IKBKE: variants seen among roughly 807,000 people sequenced by gnomAD.
IKBKE encodes inhibitor of nuclear factor kappa-B kinase subunit epsilon.
Under a neutral mutation model 92.1 loss-of-function variants are expected in IKBKE, and 45 were observed. The observed-to-expected ratio is 0.49, with a 90% CI of 0.38 to 0.63. The LOEUF is 0.63. IKBKE is among the 20% of genes least tolerant of loss of function. The pLI, the probability that IKBKE is intolerant of heterozygous loss-of-function variation, is 0.00. For missense variants in IKBKE, 700 were observed against 932.8 expected (o/e 0.75, Z 3.25); for synonymous variants, 374 against 380.3 (o/e 0.98, Z 0.19).
chr1:206,477,893 G>A (rs1371146149), intron 8 of IKBKE, 34 bp downstream of exon 8: 1 of 1,384,580 alleles, frequency 7.2e-7, no homozygotes, highest in Admixed American at 2.0e-5. Context: ...TGATGCTGGA[G>A]TCTGAGCTGG....
rs1178883063 is a variant in IKBKE, at chr1:206,478,424, C to T, written c.992+85C>T. 7.4e-6 allele frequency: 10 copies of T among 1,350,042 alleles called. No individual in the cohort carries two copies. Among genetic ancestry groups the T allele is most frequent in the African/African-American group, 2.9e-5 (2 of 70,142 alleles). The allele number at this position is 1,350,042 out of a possible 1,614,324, so 83.6% of individuals were successfully genotyped here. On this transcript the variant is annotated intron_variant, in intron 9 of 21. Transcript: ENST00000581977. The surrounding 1 kb of genome is among the most constrained non-coding windows in gnomAD (Gnocchi z 4.8). ...GTCCAAAGCAGCATCTCCCACAGTACGTTCTGAGGAGTGTGTACATAGGAA... is the reference window on the plus strand; with the variant it reads ...GTCCAAAGCAGCATCTCCCACAGTATGTTCTGAGGAGTGTGTACATAGGAA...
At chr1:206,480,163 G>A (rs1396298555) in intron 12 of IKBKE, 50 bp downstream of exon 12, 1 of 1,144,110 alleles carries the variant, frequency 8.7e-7, no homozygotes, top group Non-Finnish European at 1.2e-6. Flanking sequence ...GCAGGAGAGG[G>A]AGGCGGACAG....
intron 5 of IKBKE, 86 bp downstream of exon 5, chr1:206,475,080 T>C (rs1047252969): frequency 2.9e-6 from 4 of 1,372,722 alleles, no homozygotes; most frequent in Non-Finnish European, 4.0e-6. Flanking sequence ...GTCTGACTCC[T>C]GCTAATCATT....
In IKBKE at chr1:206,476,081, G is replaced by A; in HGVS notation, c.359-100G>A. The A allele has an allele frequency of 1.7e-6, 2 of 1,150,750 alleles. No individual in the cohort carries two copies. Among genetic ancestry groups the A allele is most frequent in the Non-Finnish European group, 2.5e-6 (2 of 787,910 alleles). The allele number at this position is 1,150,750 out of a possible 1,614,324, so 71.3% of individuals were successfully genotyped here. A position where few individuals can be genotyped will look rare whatever the true frequency, so the allele number is the denominator to read the frequency against. On this transcript the variant is annotated intron_variant, in intron 5 of 21. Coordinates refer to ENST00000581977, the MANE Select transcript of IKBKE (RefSeq NM_014002.4). This position sits in a 1 kb window ranked among gnomAD's most constrained non-coding sequence, Gnocchi z 5.1. ...GCTCTGTCAGCCCATGGGAACTCCT[G>A]TCTCTCTGGATGCAAGGACAGCCTT...
Position 206,490,967 on chromosome 1 carries a change from G to A in IKBKE, c.1733+109G>A, listed in dbSNP as rs1045364482. The A allele has an allele frequency of 6.1e-5, 62 of 1,015,210 alleles. No individual in the cohort carries two copies. The highest frequency in any genetic ancestry group is 8.2e-5 in the Non-Finnish European group (53 of 646,492). The allele number at this position is 1,015,210 out of a possible 1,614,324, so 62.9% of individuals were successfully genotyped here. A position where few individuals can be genotyped will look rare whatever the true frequency, so the allele number is the denominator to read the frequency against. Reference sequence around the variant, plus strand: ...GCAGTGAAGGGCCCTGTCCCGGACTGCAGCTGAGCAGAGTTGGGGATAACA... The same window carrying A: ...GCAGTGAAGGGCCCTGTCCCGGACTACAGCTGAGCAGAGTTGGGGATAACA... On this transcript the variant is annotated intron_variant, in intron 17 of 21. Transcript: ENST00000581977. This position sits in a 1 kb window ranked among gnomAD's most constrained non-coding sequence, Gnocchi z 5.2.
rs782298264 is a variant in IKBKE at position 206,483,518 on chromosome 1, C to T, written c.1428-1479C>T. On this transcript the variant is annotated intron_variant, in intron 13 of 21. Transcript: ENST00000581977. ...GACGGCACCCCTGTCTTCAAGGAGC[C>T]TGCAGTTCATTCCTGATTCTCTCTT... Among the ~76,000 whole-genome samples the T allele has an allele frequency of 1.1e-4, 17 of 152,344 alleles. No homozygotes were observed. In the Middle Eastern group the frequency reaches 0.01, roughly 91 times the overall value.
In IKBKE at chr1:206,478,436, T is replaced by C. The variant is rs1665190852; in HGVS notation, c.992+97T>C. The C allele has an allele frequency of 3.2e-6, 4 of 1,255,206 alleles. No homozygotes were observed. Among genetic ancestry groups the C allele is most frequent in the Middle Eastern group, 1.9e-4 (1 of 5,236 alleles). The allele number at this position is 1,255,206 out of a possible 1,614,324, so 77.8% of individuals were successfully genotyped here. On this transcript the variant is annotated intron_variant, in intron 9 of 21. Coordinates refer to ENST00000581977, the MANE Select transcript of IKBKE (RefSeq NM_014002.4). This position sits in a 1 kb window ranked among gnomAD's most constrained non-coding sequence, Gnocchi z 4.8. The stretch of plus-strand genomic sequence containing the variant: ...ATCTCCCACAGTACGTTCTGAGGAG[T>C]GTGTACATAGGAACGCTTCCAGGTC...
chr1:206,493,330 C>G lies in IKBKE; in HGVS notation c.1997C>G (p.Pro666Arg), dbSNP rs1553391194. Reference protein sequence around the residue: ...DRAKGAQASPPPIAPYPSPTR... With the variant: ...DRAKGAQASPRPIAPYPSPTR... ...GCAAAGGGGGCTCAGGCCTCGCCGCCTCCCATAGCTCCTTACCCCAGCCCT... is the reference window on the plus strand; with the variant it reads ...GCAAAGGGGGCTCAGGCCTCGCCGCGTCCCATAGCTCCTTACCCCAGCCCT... Residue 666 changes from proline (P) to arginine (R), a missense_variant, in exon 20 of 22, where the codon CCT becomes CGT. Coordinates refer to ENST00000581977, the MANE Select transcript of IKBKE (RefSeq NM_014002.4). The G allele has an allele frequency of 6.2e-7, 1 of 1,613,882 alleles. No individual in the cohort carries two copies. The highest frequency in any genetic ancestry group is 8.5e-7 in the Non-Finnish European group (1 of 1,180,000).
chr1:206,485,947 A>T lies in IKBKE; in HGVS notation c.1616+641A>T, dbSNP rs1432699447. Among the ~76,000 whole-genome samples the T allele has an allele frequency of 6.6e-6, 1 of 152,198 alleles. No homozygotes were observed. Among genetic ancestry groups the T allele is most frequent in the Non-Finnish European group, 1.5e-5 (1 of 68,032 alleles). On this transcript the variant is annotated intron_variant, in intron 15 of 21. Transcript: ENST00000581977. The surrounding 1 kb of genome is among the most constrained non-coding windows in gnomAD (Gnocchi z 5.0). ...CGCTTCTGACCAGGGGATGGGTGGTACCCAGCGCGGACCTCCTCCCCATTC... is the reference window on the plus strand; with the variant it reads ...CGCTTCTGACCAGGGGATGGGTGGTTCCCAGCGCGGACCTCCTCCCCATTC...
chr1:206,493,811 A>T lies in IKBKE; in HGVS notation c.2046-109A>T, dbSNP rs375146582. ...CTCAAATAAGCAAACAAAAAAGAAT[A>T]AAGAGGCTTCTTTGGTGGGGCTGCA... On this transcript the variant is annotated intron_variant, in intron 20 of 21. Transcript: ENST00000581977. The T allele has an allele frequency of 8.7e-5, 67 of 772,270 alleles. 2 individuals carry two copies. Among genetic ancestry groups the T allele is most frequent in the Admixed American group, 6.0e-4 (23 of 38,286 alleles). The allele number at this position is 772,270 out of a possible 1,614,324, so 47.8% of individuals were successfully genotyped here.
At chr1:206,480,651 C>A in intron 13 of IKBKE, 118 bp downstream of exon 13, 2 of 774,408 alleles carry the variant, frequency 2.6e-6, no homozygotes, top group Non-Finnish European at 4.4e-6. Context: ...GCCTTCCCTG[C>A]CCTCCTAGAA....
chr1:206,494,188 T>C (rs1666100607), intron 21 of IKBKE, among the ~76,000 whole-genome samples, 197 bp downstream of exon 21: 1 of 152,194 alleles, frequency 6.6e-6, no homozygotes, highest in Non-Finnish European at 1.5e-5. Context: ...TTACAGCCTT[T>C]AAAATGTGAG....
At chr1:206,472,987 C>G in intron 2 of IKBKE, 1 of 513,390 alleles carries the variant, frequency 1.9e-6, no homozygotes, top group Non-Finnish European at 3.4e-6. Context: ...GCTGAGGGCT[C>G]AGTGGGGGCC....
At chr1:206,491,777 C>A in intron 18 of IKBKE, 28 bp downstream of exon 18, 2 of 1,552,810 alleles carry the variant, frequency 1.3e-6, no homozygotes, top group Non-Finnish European at 1.8e-6. Flanking sequence ...GCTCCTGGAG[C>A]CCAGGGCCTG....
intron 4 of IKBKE, 75 bp downstream of exon 4, chr1:206,474,546 A>G: frequency 7.0e-7 from 1 of 1,429,738 alleles, no homozygotes; most frequent in South Asian, 1.3e-5. Context: ...GCCACATGAT[A>G]ACAGAGATTT....
At chr1:206,492,289 CA>C (rs1483242553) in intron 18 of IKBKE, 11 of 379,622 alleles carry the variant, frequency 2.9e-5, no homozygotes, top group Non-Finnish European at 4.9e-5. Context: ...CTTCTCAGAT[CA>C]GGCCCACTCT....
chr1:206,475,024 C>T, intron 5 of IKBKE, 30 bp downstream of exon 5: 1 of 1,612,092 alleles, frequency 6.2e-7, no homozygotes, highest in Non-Finnish European at 8.5e-7. Flanking sequence ...TGCCTCCACC[C>T]TCAGACCAGC....
In IKBKE at chr1:206,490,950, G is replaced by A; in HGVS notation, c.1733+92G>A. The A allele has an allele frequency of 8.2e-7, 1 of 1,222,292 alleles. No individual in the cohort carries two copies. Among genetic ancestry groups the A allele is most frequent in the Non-Finnish European group, 1.2e-6 (1 of 828,808 alleles). The allele number at this position is 1,222,292 out of a possible 1,614,324, so 75.7% of individuals were successfully genotyped here. A position where few individuals can be genotyped will look rare whatever the true frequency, so the allele number is the denominator to read the frequency against. ...TCAACGCCAGAGGAGAGGCAGTGAA[G>A]GGCCCTGTCCCGGACTGCAGCTGAG... is the stretch of plus-strand genomic sequence containing the variant. On this transcript the variant is annotated intron_variant, in intron 17 of 21. Coordinates refer to ENST00000581977, the MANE Select transcript of IKBKE (RefSeq NM_014002.4). The surrounding 1 kb of genome is among the most constrained non-coding windows in gnomAD (Gnocchi z 5.2).
chr1:206,476,716 C>T lies in IKBKE; in HGVS notation c.579C>T (p.Pro193=), dbSNP rs781852259. Residue 193 remains proline (P), a synonymous_variant, in exon 7 of 22, where the codon CCC becomes CCT. Transcript: ENST00000581977. The surrounding 1 kb of genome is among the most constrained non-coding windows in gnomAD (Gnocchi z 5.1). ...ATGAGCGGGCGGTGCTTCGAAAGCC[C>T]CAGCAAAAAGCGTTCGGGGTGACTG... ...DMYERAVLRK[P]QQKAFGVTVD... is the part of the protein sequence containing the mutation. 2.4e-5 allele frequency: 39 copies of T among 1,614,086 alleles called. No individual in the cohort carries two copies. The highest frequency in any genetic ancestry group is 3.1e-5 in the Non-Finnish European group (36 of 1,180,032).
Sources: gnomAD v4.1 joint callset for allele counts (sites outside exome capture counted in the v4.1 genomes callset) on GRCh38, gnomAD v4.1.1 for gene constraint, Gnocchi (gnomAD v3.1) non-coding constraint, MANE v1.5 for transcripts, NCBI Gene and HGNC (gene_info 2026-07-23, HGNC 2026-07-21) for gene names.